GMDS: variants seen among roughly 807,000 people sequenced by gnomAD.
The protein encoded by GMDS is GDP-mannose 4,6-dehydratase.
In GMDS, 20 loss-of-function variants were observed where a neutral mutation model predicts 49.9. The ratio of observed to expected loss-of-function variants is 0.40; its 90% CI spans 0.28 to 0.58. The LOEUF (loss-of-function observed/expected upper bound fraction) is 0.58. Among genes scored for constraint, GMDS ranks in the 20% least tolerant of loss-of-function variants. The pLI, the probability that GMDS is intolerant of heterozygous loss-of-function variation, is 0.42. For synonymous variants in GMDS, 177 were observed against 178.6 expected, an observed-to-expected ratio of 0.99 and a Z score of 0.07; for missense variants, 362 against 481.4, an observed-to-expected ratio of 0.75 and a Z score of 2.32.
At chr6:2,032,369 G>A (rs1056259543) in intron 4 of GMDS, among the ~76,000 whole-genome samples, 1 of 151,998 alleles carries the variant, frequency 6.6e-6, no homozygotes, top group African/African-American at 2.4e-5. Context: ...GAAATCTCAG[G>A]GCCAAATCTG....
At chr6:1,906,451 T>C (rs1760779939) in intron 7 of GMDS, among the ~76,000 whole-genome samples, 1 of 152,242 alleles carries the variant, frequency 6.6e-6, no homozygotes, top group African/African-American at 2.4e-5. Context: ...AATTAGATAT[T>C]TGCACAATAA....
intron 4 of GMDS, among the ~76,000 whole-genome samples, chr6:2,006,143 C>G (rs986116703): frequency 6.6e-6 from 1 of 152,012 alleles, no homozygotes; most frequent in East Asian, 1.9e-4. Flanking sequence ...AAAAATTGGC[C>G]AGGCACGGTG....
chr6:1,716,340 T>C (rs536653654), intron 9 of GMDS, among the ~76,000 whole-genome samples: 161 of 152,182 alleles, frequency 1.1e-3, no homozygotes, highest in African/African-American at 3.6e-3. Context: ...ACTAACTTAA[T>C]GGAACAGGTG....
intron 2 of GMDS, among the ~76,000 whole-genome samples, chr6:2,118,192 G>A (rs187812178): frequency 1.3e-5 from 2 of 152,060 alleles, no homozygotes; most frequent in Admixed American, 6.5e-5. Flanking sequence ...AACCATAGGT[G>A]GGGGGTGGGG....
At chr6:1,686,280 C>T (rs1381161830) in intron 9 of GMDS, among the ~76,000 whole-genome samples, 1 of 152,206 alleles carries the variant, frequency 6.6e-6, no homozygotes, top group Non-Finnish European at 1.5e-5. Context: ...CTGGTTCCCA[C>T]AGAGGAAGGA....
intron 1 of GMDS, among the ~76,000 whole-genome samples, chr6:2,131,254 A>G (rs1330802294): frequency 6.6e-6 from 1 of 152,224 alleles, no homozygotes; most frequent in African/African-American, 2.4e-5. Context: ...ATAATTTTCT[A>G]TAATTTAGGC....
chr6:2,112,623 G>GA (rs1357519913), intron 4 of GMDS, among the ~76,000 whole-genome samples: 2 of 152,006 alleles, frequency 1.3e-5, no homozygotes, highest in African/African-American at 4.8e-5. Flanking sequence ...AAAATTTCTG[G>GA]AAAAAAATGC....
chr6:2,042,513 G>A (rs986975202), intron 4 of GMDS, among the ~76,000 whole-genome samples: 4 of 152,084 alleles, frequency 2.6e-5, no homozygotes, highest in East Asian at 3.9e-4. Context: ...AGCTTACAGC[G>A]AAAGAATTAC....
At chr6:1,757,670 G>GAATCA (rs1767998115) in intron 7 of GMDS, among the ~76,000 whole-genome samples, 1 of 152,174 alleles carries the variant, frequency 6.6e-6, no homozygotes. Context: ...AGGCCCACTA[G>GAATCA]GTTTCTTGGT....
In GMDS at chr6:2,161,245, G is replaced by A. The variant is rs940393946; in HGVS notation, c.103-36514C>T. Among the ~76,000 whole-genome samples, 5 of 152,098 alleles carry A rather than the reference G, an allele frequency of 3.3e-5. 1 individual carries two copies. Among genetic ancestry groups the A allele is most frequent in the Non-Finnish European group, 7.4e-5 (5 of 68,006 alleles). On this transcript the variant is annotated intron_variant, in intron 1 of 10. Transcript: ENST00000380815. Reference sequence around the variant, plus strand: ...AGGATGGTCTCGATCTCCTGACCTTGTGATCCGCCTGCCTCGGCCTCCCAA... The same window carrying A: ...AGGATGGTCTCGATCTCCTGACCTTATGATCCGCCTGCCTCGGCCTCCCAA...
At chr6:1,922,944 T>C (rs1484867375) in intron 7 of GMDS, among the ~76,000 whole-genome samples, 1 of 152,224 alleles carries the variant, frequency 6.6e-6, no homozygotes, top group Non-Finnish European at 1.5e-5. Flanking sequence ...GGGAGATAAC[T>C]GAATCATGGG....
Position 1,905,554 on chromosome 6 carries a change from C to T in GMDS, c.771+24549G>A, listed in dbSNP as rs530284903. Among the ~76,000 whole-genome samples, 51 of 139,896 alleles carry T rather than the reference C, an allele frequency of 3.6e-4. 1 individual carries two copies. The highest frequency in any genetic ancestry group is 5.3e-4 in the Non-Finnish European group (34 of 64,300). 91.8% of individuals were successfully genotyped at this position (139,896 alleles called of 152,430 possible). A position where few individuals can be genotyped will look rare whatever the true frequency, so the allele number is the denominator to read the frequency against. ...CGTGTAGGTTGGACCTCAAAGGTGC[C>T]TGTGCATCTGCATGTGGGGCCAGCA... On this transcript the variant is annotated intron_variant, in intron 7 of 10. Coordinates refer to ENST00000380815, the MANE Select transcript of GMDS (RefSeq NM_001500.4).
chr6:1,893,257 G>A (rs1481477701), intron 7 of GMDS, among the ~76,000 whole-genome samples: 1 of 147,996 alleles, frequency 6.8e-6, no homozygotes, highest in African/African-American at 2.5e-5. Flanking sequence ...GCAGTGGCGC[G>A]ATGTCAGCTC....
chr6:2,196,508 T>G (rs1216595185), intron 1 of GMDS, among the ~76,000 whole-genome samples: 1 of 152,214 alleles, frequency 6.6e-6, no homozygotes, highest in Non-Finnish European at 1.5e-5. Flanking sequence ...TTTTCTTATG[T>G]TTTTTTCTAC....
At chr6:2,172,197 C>G (rs1413547468) in intron 1 of GMDS, among the ~76,000 whole-genome samples, 1 of 152,108 alleles carries the variant, frequency 6.6e-6, no homozygotes, top group African/African-American at 2.4e-5. Flanking sequence ...CAAAGTCTCT[C>G]AGATTGAGGA....
intron 7 of GMDS, among the ~76,000 whole-genome samples, chr6:1,761,156 AG>A (rs1254854120): frequency 6.6e-6 from 1 of 152,232 alleles, no homozygotes; most frequent in Non-Finnish European, 1.5e-5. Context: ...TCCAAGATTC[AG>A]AATAAAAATC....
intron 4 of GMDS, among the ~76,000 whole-genome samples, chr6:2,010,715 T>C (rs73410419): frequency 0.033 from 4,982 of 152,250 alleles, 170 homozygotes; most frequent in South Asian, 0.095. Flanking sequence ...TCAGAAGTGA[T>C]AAAGATGTGG....
chr6:2,044,261 G>T (rs575853582), intron 4 of GMDS, among the ~76,000 whole-genome samples: 3 of 152,230 alleles, frequency 2.0e-5, no homozygotes, highest in Admixed American at 1.3e-4. Context: ...ACACATGCAC[G>T]CATATGTTCA....
At chr6:1,718,601 A>G (rs899349916) in intron 9 of GMDS, among the ~76,000 whole-genome samples, 34 of 152,078 alleles carry the variant, frequency 2.2e-4, no homozygotes, top group Middle Eastern at 3.2e-3. Context: ...GCAGCTTCGC[A>G]GCTGCTTCCC....
Sources: gnomAD v4.1 joint callset for allele counts (sites outside exome capture counted in the v4.1 genomes callset) on GRCh38, gnomAD v4.1.1 for gene constraint, MANE v1.5 for transcripts, NCBI Gene and HGNC (gene_info 2026-07-23, HGNC 2026-07-21) for gene names.